The following NOX4 variants were observed in gnomAD, a reference collection of about 807,000 sequenced individuals.
The protein encoded by NOX4 is NADPH oxidase 4.
NOX4 carries 69 observed loss-of-function variants against 87.6 expected under a neutral mutation model. That is an observed-to-expected ratio of 0.79 (90% CI 0.65 to 0.96). NOX4 has a LOEUF of 0.96. NOX4 is among the 40% of genes least tolerant of loss of function. NOX4 has a pLI of 0.00. For synonymous variants in NOX4, 275 were observed against 238.2 expected, an observed-to-expected ratio of 1.15 and a Z score of -1.42; for missense variants, 680 against 681.5, an observed-to-expected ratio of 1.00 and a Z score of 0.02.
chr11:89,431,388 A>G (rs1490635149), intron 7 of NOX4, among the ~76,000 whole-genome samples: 1 of 152,200 alleles, frequency 6.6e-6, no homozygotes, highest in Non-Finnish European at 1.5e-5. Flanking sequence ...TCTGCACAGC[A>G]AAAGAAACTA....
the NOX4 span, among the ~76,000 whole-genome samples, chr11:89,561,311 G>A: frequency 5.3e-5 from 8 of 151,592 alleles, no homozygotes; most frequent in Non-Finnish European, 8.8e-5. Context: ...TAAGGCAGAT[G>A]AAGTGCAACC....
chr11:89,449,974 T>C (rs1461010588), intron 3 of NOX4, among the ~76,000 whole-genome samples: 1 of 152,174 alleles, frequency 6.6e-6, no homozygotes, highest in Non-Finnish European at 1.5e-5. Flanking sequence ...AGTCAAAAAA[T>C]AAGATTATTT....
At chr11:89,468,607 A>T (rs1024558583) in intron 2 of NOX4, among the ~76,000 whole-genome samples, 3 of 152,176 alleles carry the variant, frequency 2.0e-5, no homozygotes, top group Non-Finnish European at 2.9e-5. Context: ...TTTATCCTAT[A>T]CTCAAAAGAA....
At chr11:89,534,751 G>A in the NOX4 span, among the ~76,000 whole-genome samples, 2 of 152,194 alleles carry the variant, frequency 1.3e-5, no homozygotes, top group Non-Finnish European at 2.9e-5. Flanking sequence ...AGTCTTGCCT[G>A]AAACCATACC....
chr11:89,442,451 C>A (rs947529668), intron 5 of NOX4, among the ~76,000 whole-genome samples: 1 of 151,986 alleles, frequency 6.6e-6, no homozygotes. Context: ...TGGTTCAGAA[C>A]AAAACCCTAG....
the NOX4 span, among the ~76,000 whole-genome samples, chr11:89,556,426 G>T: frequency 6.6e-6 from 1 of 152,134 alleles, no homozygotes; most frequent in Non-Finnish European, 1.5e-5. Context: ...AGGAGGCTTA[G>T]GCAGGAGAAT....
chr11:89,350,931 T>A (rs927458905), intron 13 of NOX4, among the ~76,000 whole-genome samples: 2 of 152,166 alleles, frequency 1.3e-5, no homozygotes, highest in African/African-American at 4.8e-5. Context: ...AAGTTTCAAG[T>A]GAAAGGAGAG....
In NOX4 at chr11:89,325,207, C is replaced by T. The variant is rs1262614871; in HGVS notation, c.*1549G>A. 6.9e-6 allele frequency: 1 copy of T among 144,848 alleles called. No individual in the cohort carries two copies. The highest frequency in any genetic ancestry group is 2.6e-5 in the African/African-American group (1 of 37,948). The allele number at this position is 144,848 out of a possible 1,614,324, so 9.0% of individuals were successfully genotyped here. A position where few individuals can be genotyped will look rare whatever the true frequency, so the allele number is the denominator to read the frequency against. Reference sequence around the variant, plus strand: ...TGGTGCAATCTTGGCTCACTGCAACCTCCGCCCACCGGGTTCAAGCGATTC... The same window carrying T: ...TGGTGCAATCTTGGCTCACTGCAACTTCCGCCCACCGGGTTCAAGCGATTC... On this transcript the variant is annotated 3_prime_UTR_variant, in exon 18 of 18. Transcript: ENST00000263317.
chr11:89,530,883 A>G, the NOX4 span, among the ~76,000 whole-genome samples: 2 of 152,202 alleles, frequency 1.3e-5, no homozygotes, highest in Non-Finnish European at 2.9e-5. Context: ...GCTAAACCGT[A>G]GAGAAAATAA....
chr11:89,433,009 C>T (rs1461737429), intron 6 of NOX4, among the ~76,000 whole-genome samples, 153 bp from the exon 7 acceptor site: 1 of 151,996 alleles, frequency 6.6e-6, no homozygotes, highest in African/African-American at 2.4e-5. Context: ...CAAACAAGCC[C>T]TTTACTTTTT....
intron 11 of NOX4, among the ~76,000 whole-genome samples, chr11:89,397,209 T>G (rs1941552639): frequency 6.6e-6 from 1 of 152,188 alleles, no homozygotes. Flanking sequence ...AAACTGCTCC[T>G]GAATGACTAC....
At chr11:89,366,884 A>G (rs1440635870) in intron 12 of NOX4, among the ~76,000 whole-genome samples, 1 of 152,126 alleles carries the variant, frequency 6.6e-6, no homozygotes, top group Non-Finnish European at 1.5e-5. Context: ...CTACTAAAAA[A>G]CATGACAGCA....
intron 11 of NOX4, among the ~76,000 whole-genome samples, chr11:89,390,441 T>C (rs533339): frequency 5.9e-5 from 9 of 152,274 alleles, no homozygotes; most frequent in African/African-American, 2.2e-4. Context: ...AGCCAACTAT[T>C]GTAACAATTT....
intron 11 of NOX4, among the ~76,000 whole-genome samples, chr11:89,396,317 G>T (rs530457445): frequency 6.6e-6 from 1 of 152,212 alleles, no homozygotes; most frequent in African/African-American, 2.4e-5. Context: ...TCTGTTATTG[G>T]TGTATAGGAA....
intron 2 of NOX4, among the ~76,000 whole-genome samples, chr11:89,487,108 C>T (rs893766925): frequency 9.2e-5 from 14 of 152,096 alleles, no homozygotes; most frequent in African/African-American, 3.1e-4. Context: ...CCAGTGAAGT[C>T]GTTTAGAAAA....
chr11:89,394,868 T>C (rs1010196602), intron 11 of NOX4, among the ~76,000 whole-genome samples: 4 of 152,250 alleles, frequency 2.6e-5, no homozygotes, highest in African/African-American at 9.6e-5. Context: ...TTCCATGGTG[T>C]ATATGTGCCA....
chr11:89,405,253 A>G (rs1208897959), intron 8 of NOX4, among the ~76,000 whole-genome samples: 1 of 152,050 alleles, frequency 6.6e-6, no homozygotes. Context: ...TTGTTACTAT[A>G]CAGTAAAGTT....
chr11:89,355,712 C>G (rs1312370297), intron 12 of NOX4, among the ~76,000 whole-genome samples: 1 of 152,042 alleles, frequency 6.6e-6, no homozygotes, highest in African/African-American at 2.4e-5. Flanking sequence ...TGGTGGGAGT[C>G]CAAATTGGTA....
At chr11:89,349,017 A>T (rs1946334891) in intron 13 of NOX4, among the ~76,000 whole-genome samples, 6 of 152,172 alleles carry the variant, frequency 3.9e-5, no homozygotes. Flanking sequence ...GGCCAGGTAC[A>T]GTGGCTCACA....
Sources: gnomAD v4.1 joint callset for allele counts (sites outside exome capture counted in the v4.1 genomes callset) on GRCh38, gnomAD v4.1.1 for gene constraint, MANE v1.5 for transcripts, NCBI Gene and HGNC (gene_info 2026-07-23, HGNC 2026-07-21) for gene names.